Variants in ARHGAP39 observed in about 807,000 individuals in gnomAD.
The protein encoded by ARHGAP39 is Rho GTPase activating protein 39.
ARHGAP39 carries 44 observed loss-of-function variants against 106.9 expected under a neutral mutation model. The observed-to-expected ratio is 0.41, with a 90% CI of 0.32 to 0.53. The LOEUF is 0.53. Ranked by LOEUF, ARHGAP39 falls within the 20% of genes least tolerant of loss-of-function variation. The probability of loss-of-function intolerance (pLI) is 0.21; values close to 1 mark genes in which losing one functional copy is unlikely to be tolerated. For synonymous variants in ARHGAP39, 768 were observed against 693.2 expected (o/e 1.11, Z -1.69); for missense variants, 1,496 against 1,577.3 (o/e 0.95, Z 0.87).
chr8:144,662,891 C>T (rs915521427), intron 1 of ARHGAP39, among the ~76,000 whole-genome samples: 5 of 150,694 alleles, frequency 3.3e-5, no homozygotes, highest in African/African-American at 1.2e-4. Context: ...TCCCCATTAT[C>T]CACCTCGGGC....
chr8:144,564,326 G>A (rs1027161593), intron 3 of ARHGAP39, among the ~76,000 whole-genome samples: 1 of 152,206 alleles, frequency 6.6e-6, no homozygotes, highest in African/African-American at 2.4e-5. Flanking sequence ...CACACCAAAT[G>A]CTCTTCCGTC....
intron 1 of ARHGAP39, among the ~76,000 whole-genome samples, chr8:144,649,312 T>C (rs1202954537): frequency 1.3e-5 from 2 of 150,396 alleles, no homozygotes; most frequent in African/African-American, 4.9e-5. Flanking sequence ...TAGCCAGGTG[T>C]GGTGGCGGGC....
intron 2 of ARHGAP39, among the ~76,000 whole-genome samples, chr8:144,592,682 T>C (rs1236390654): frequency 5.2e-3 from 562 of 108,034 alleles, no homozygotes; most frequent in Middle Eastern, 0.048. Context: ...GGGGACAGCA[T>C]TGAGCCCAGA....
At chr8:144,531,987 T>C (rs1463038261) in intron 10 of ARHGAP39, among the ~76,000 whole-genome samples, 15 of 58,276 alleles carry the variant, frequency 2.6e-4, no homozygotes, top group African/African-American at 1.9e-3. Context: ...AGGCTAGACA[T>C]AGCAGGCACG....
At position 144,547,948 on chromosome 8, in the gene ARHGAP39, C is replaced by T; in HGVS notation, c.1138G>A (p.Glu380Lys). 3.1e-6 allele frequency: 5 copies of T among 1,598,724 alleles called. No individual in the cohort carries two copies. Among genetic ancestry groups the T allele is most frequent in the Non-Finnish European group, 4.3e-6 (5 of 1,173,140 alleles). The change falls in exon 5 of 12, where the codon GAG (glutamate) becomes AAG (lysine). Residue 380 changes from glutamate to lysine, a missense_variant. Transcript: ENST00000377307. The surrounding 1 kb of genome is among the most constrained non-coding windows in gnomAD (Gnocchi z 5.2). Reference protein sequence around the residue: ...QLVLTKQKCPERFLSLEYSPA... With the variant: ...QLVLTKQKCPKRFLSLEYSPA... ...CTGTACTCCAGGCTCAGGAAGCGCTCGGGACACTTCTGCTTGGTGAGCACC... is the reference window on the plus strand; with the variant it reads ...CTGTACTCCAGGCTCAGGAAGCGCTTGGGACACTTCTGCTTGGTGAGCACC...
chr8:144,576,142 C>A (rs555070383), intron 3 of ARHGAP39, among the ~76,000 whole-genome samples: 1 of 151,886 alleles, frequency 6.6e-6, no homozygotes, highest in Non-Finnish European at 1.5e-5. Flanking sequence ...CCAGCCCAGC[C>A]ACCAACATGG....
At chr8:144,595,206 T>C (rs957766790) in intron 2 of ARHGAP39, among the ~76,000 whole-genome samples, 2 of 152,152 alleles carry the variant, frequency 1.3e-5, no homozygotes, top group Admixed American at 6.5e-5. Context: ...GTCCTTCAAC[T>C]GATGCATGAA....
chr8:144,531,058 C>T (rs562279186), intron 10 of ARHGAP39, among the ~76,000 whole-genome samples, 187 bp from the exon 11 acceptor site: 2 of 152,328 alleles, frequency 1.3e-5, no homozygotes, highest in South Asian at 4.1e-4. Flanking sequence ...TCCTGGGGGC[C>T]TGAACTCGAT....
rs945536172 is a variant in ARHGAP39 at position 144,548,558 on chromosome 8, G to A, written c.597-69C>T. The stretch of plus-strand genomic sequence containing the variant: ...CTTCTGGGCACGCCCCACCCCCTCG[G>A]GGGCTGTAGGCAGCGGCTCCCGCGA... On this transcript the variant is annotated intron_variant, in intron 4 of 11. Transcript: ENST00000377307. This position sits in a 1 kb window ranked among gnomAD's most constrained non-coding sequence, Gnocchi z 7.4. 165 of 1,538,284 alleles carry A rather than the reference G, an allele frequency of 1.1e-4. No individual in the cohort carries two copies. The highest frequency in any genetic ancestry group is 1.7e-4 in the Middle Eastern group (1 of 5,740).
chr8:144,621,351 G>A (rs1234474316), intron 1 of ARHGAP39, among the ~76,000 whole-genome samples: 2 of 152,240 alleles, frequency 1.3e-5, no homozygotes, highest in Non-Finnish European at 2.9e-5. Flanking sequence ...GCCAACAGAG[G>A]CCCTCAAACG....
intron 1 of ARHGAP39, among the ~76,000 whole-genome samples, chr8:144,664,256 A>C (rs1821905445): frequency 6.6e-6 from 1 of 152,190 alleles, no homozygotes; most frequent in Non-Finnish European, 1.5e-5. Flanking sequence ...ACCTGAGTAG[A>C]GCCTGGGTTG....
rs752254483 is a variant in ARHGAP39, at chr8:144,548,465, C to T, written c.621G>A (p.Ser207=). Residue 207 remains serine, a synonymous_variant, in exon 5 of 12, where the codon TCG becomes TCA. Coordinates refer to ENST00000377307, the MANE Select transcript of ARHGAP39 (RefSeq NM_025251.3). This position sits in a 1 kb window ranked among gnomAD's most constrained non-coding sequence, Gnocchi z 7.4. ...HYRTSSLRWN[S]GAKERMLIKV... is the part of the protein sequence containing the mutation. ...TGATGAGCATGCGCTCTTTGGCGCCCGAGTTCCACCGCAGCGAGGAGGTCC... is the reference window on the plus strand; with the variant it reads ...TGATGAGCATGCGCTCTTTGGCGCCTGAGTTCCACCGCAGCGAGGAGGTCC... 3.1e-6 allele frequency: 5 copies of T among 1,610,110 alleles called. No homozygotes were observed. In the South Asian group the frequency reaches 5.5e-5, roughly 18 times the overall value.
At chr8:144,590,421 A>T (rs2130914167) in intron 2 of ARHGAP39, among the ~76,000 whole-genome samples, 1 of 152,170 alleles carries the variant, frequency 6.6e-6, no homozygotes, top group African/African-American at 2.4e-5. Context: ...CTCGACTGTG[A>T]GTGAGTTCTT....
intron 1 of ARHGAP39, among the ~76,000 whole-genome samples, chr8:144,624,334 CAAG>C (rs1291785552): frequency 2.2e-5 from 3 of 139,118 alleles, no homozygotes; most frequent in Non-Finnish European, 4.6e-5. Context: ...ATCATCGTCT[CAAG>C]AAATAATTTT....
At chr8:144,630,127 G>A (rs1020568358) in intron 1 of ARHGAP39, among the ~76,000 whole-genome samples, 5 of 152,142 alleles carry the variant, frequency 3.3e-5, no homozygotes, top group African/African-American at 9.7e-5. Context: ...CACACGAGCC[G>A]AACAGGAACC....
intron 1 of ARHGAP39, among the ~76,000 whole-genome samples, chr8:144,616,811 A>T (rs531298234): frequency 6.6e-6 from 1 of 152,378 alleles, no homozygotes; most frequent in South Asian, 2.1e-4. Context: ...CCTCTTTAAA[A>T]AATGATTGTT....
chr8:144,603,120 C>T (rs1439475816), intron 2 of ARHGAP39, among the ~76,000 whole-genome samples: 4 of 98,488 alleles, frequency 4.1e-5, no homozygotes, highest in African/African-American at 1.2e-4. Context: ...TGCGTGGAGG[C>T]GTGTGTGTGC....
chr8:144,616,741 C>G (rs560414295), intron 1 of ARHGAP39, among the ~76,000 whole-genome samples: 1 of 152,358 alleles, frequency 6.6e-6, no homozygotes, highest in East Asian at 1.9e-4. Flanking sequence ...CTGGGTCCCA[C>G]GAAGGACGGC....
rs567520729 is a variant in ARHGAP39 at position 144,602,582 on chromosome 8, ATG to A, written c.80+2951_80+2952del. On this transcript the variant is annotated intron_variant, in intron 2 of 11. Transcript: ENST00000377307. ...CGTGCGAGCTCGTGTACCTGTGTGCATGTGTGTGGAGGTGTGTGTGCGAGCTC... is the reference window on the plus strand; with the variant it reads ...CGTGCGAGCTCGTGTACCTGTGTGCATGTGTGGAGGTGTGTGTGCGAGCTC... 1.5e-4 allele frequency among the ~76,000 whole-genome samples: 16 copies of A among 106,686 alleles called. No homozygotes were observed. The South Asian group carries it at 1.7e-3, about 11-fold the overall frequency. The allele number at this position is 106,686 out of a possible 152,430, so 70.0% of individuals were successfully genotyped here.
Sources: allele counts gnomAD v4.1 joint callset (sites outside exome capture counted in the v4.1 genomes callset), GRCh38; gene constraint gnomAD v4.1.1; non-coding constraint Gnocchi (gnomAD v3.1); transcripts MANE v1.5; gene names NCBI Gene and HGNC (gene_info 2026-07-23, HGNC 2026-07-21).